PDE4B: variants seen among roughly 807,000 people sequenced by gnomAD.
The protein encoded by PDE4B is phosphodiesterase 4B.
In PDE4B, 20 loss-of-function variants were observed where a neutral mutation model predicts 82.2. The ratio of observed to expected loss-of-function variants is 0.24; its 90% CI spans 0.17 to 0.35. The LOEUF (loss-of-function observed/expected upper bound fraction) is 0.35, where lower values mean the gene tolerates loss of function less well. PDE4B is among the 10% of genes least tolerant of loss of function. The pLI is 1.00. For missense variants in PDE4B, 655 were observed against 907.2 expected, an observed-to-expected ratio of 0.72 and a Z score of 3.57; for synonymous variants, 320 against 318.9, an observed-to-expected ratio of 1.00 and a Z score of -0.04.
chr1:66,370,052 G>A (rs1158439790), intron 16 of PDE4B, among the ~76,000 whole-genome samples: 2 of 147,908 alleles, frequency 1.4e-5, no homozygotes, highest in African/African-American at 2.5e-5. Context: ...TCGGGAAGCT[G>A]AGACAGGAAA....
At chr1:66,085,772 A>G (rs1432276319) in intron 3 of PDE4B, among the ~76,000 whole-genome samples, 2 of 152,142 alleles carry the variant, frequency 1.3e-5, no homozygotes, top group Non-Finnish European at 2.9e-5. Context: ...GATCCAGGGC[A>G]TGCAGTACAT....
intron 4 of PDE4B, among the ~76,000 whole-genome samples, chr1:66,250,731 AAAG>A (rs1469888611): frequency 1.1e-4 from 17 of 152,342 alleles, no homozygotes; most frequent in African/African-American, 4.1e-4. Context: ...ATGGGAACAT[AAAG>A]TACTGGAAAC....
chr1:66,289,316 G>C (rs1303353236), intron 7 of PDE4B, among the ~76,000 whole-genome samples: 1 of 152,064 alleles, frequency 6.6e-6, no homozygotes, highest in Non-Finnish European at 1.5e-5. Context: ...TGGACCAGGA[G>C]GGAGAGACAG....
Position 65,940,773 on chromosome 1 carries a change from A to G in PDE4B, c.281+21938A>G, listed in dbSNP as rs1648402455. ...GTATAAACCAAAAGATCAATTTTGGACAAGTATAAAAGTGTTGATGGCTAT... is the reference window on the plus strand; with the variant it reads ...GTATAAACCAAAAGATCAATTTTGGGCAAGTATAAAAGTGTTGATGGCTAT... On this transcript the variant is annotated intron_variant, in intron 3 of 16. Transcript: ENST00000341517. Among the ~76,000 whole-genome samples, 2 of 152,104 alleles carry G rather than the reference A, an allele frequency of 1.3e-5. 1 individual carries two copies. Among genetic ancestry groups the G allele is most frequent in the Non-Finnish European group, 2.9e-5 (2 of 67,996 alleles).
At chr1:65,927,280 C>G (rs1470152575) in intron 3 of PDE4B, among the ~76,000 whole-genome samples, 1 of 151,290 alleles carries the variant, frequency 6.6e-6, no homozygotes, top group Admixed American at 6.6e-5. Flanking sequence ...CAACAATGCA[C>G]TGGGTGGTTA....
chr1:65,917,491 G>C (rs1304211103), intron 2 of PDE4B, among the ~76,000 whole-genome samples: 1 of 152,158 alleles, frequency 6.6e-6, no homozygotes, highest in Non-Finnish European at 1.5e-5. Flanking sequence ...GTTGATATCA[G>C]TGACCATTGC....
chr1:65,897,175 T>C lies in PDE4B; in HGVS notation c.-70-16070T>C, dbSNP rs1646919809. On this transcript the variant is annotated intron_variant, in intron 1 of 16. Transcript: ENST00000341517. Reference sequence around the variant, plus strand: ...CACAGTTTCAGAAGCGTCAAATAAATTGCTGAATGTTCCACAGTTACTATG... The same window carrying C: ...CACAGTTTCAGAAGCGTCAAATAAACTGCTGAATGTTCCACAGTTACTATG... Among the ~76,000 whole-genome samples the C allele has an allele frequency of 2.0e-5, 3 of 152,144 alleles. No individual in the cohort carries two copies. The South Asian group carries it at 6.2e-4, about 31-fold the overall frequency.
At chr1:65,973,230 T>A (rs543140050) in intron 3 of PDE4B, among the ~76,000 whole-genome samples, 1 of 152,256 alleles carries the variant, frequency 6.6e-6, no homozygotes, top group South Asian at 2.1e-4. Flanking sequence ...TAATTATGAA[T>A]GAATGTAGAT....
At chr1:65,826,900 C>T (rs763381657) in intron 1 of PDE4B, among the ~76,000 whole-genome samples, 3 of 152,108 alleles carry the variant, frequency 2.0e-5, no homozygotes, top group Non-Finnish European at 4.4e-5. Flanking sequence ...CCATGTACAT[C>T]AAATAAAAAT....
At chr1:65,927,039 G>C (rs544531670) in intron 3 of PDE4B, among the ~76,000 whole-genome samples, 1 of 152,180 alleles carries the variant, frequency 6.6e-6, no homozygotes, top group East Asian at 1.9e-4. Flanking sequence ...ATGTGAAGGA[G>C]AGAGGGAGAC....
chr1:65,845,167 A>G (rs1394045461), intron 1 of PDE4B, among the ~76,000 whole-genome samples: 1 of 152,206 alleles, frequency 6.6e-6, no homozygotes, highest in Non-Finnish European at 1.5e-5. Context: ...GTACAACATA[A>G]CATCCAACAT....
At chr1:66,162,891 A>G (rs998972895) in intron 3 of PDE4B, among the ~76,000 whole-genome samples, 3 of 152,164 alleles carry the variant, frequency 2.0e-5, no homozygotes, top group Non-Finnish European at 2.9e-5. Flanking sequence ...TTAATTATCA[A>G]TTGTGTTTTT....
chr1:66,110,138 A>G (rs891595201), intron 3 of PDE4B, among the ~76,000 whole-genome samples: 1 of 151,982 alleles, frequency 6.6e-6, no homozygotes, highest in Non-Finnish European at 1.5e-5. Flanking sequence ...ATGCAGAACA[A>G]TGCTGGTAAA....
chr1:66,202,926 C>A (rs1309321471), intron 3 of PDE4B, among the ~76,000 whole-genome samples: 1 of 151,700 alleles, frequency 6.6e-6, no homozygotes, highest in Non-Finnish European at 1.5e-5. Flanking sequence ...TTAGTTGATG[C>A]AGTTTCTTCC....
At chr1:66,180,459 A>G (rs1647039393) in intron 3 of PDE4B, among the ~76,000 whole-genome samples, 1 of 152,226 alleles carries the variant, frequency 6.6e-6, no homozygotes, top group Admixed American at 6.6e-5. Context: ...GTGGCATGGC[A>G]CAATTTATAA....
rs576015758 is a variant in PDE4B at position 66,038,067 on chromosome 1, G to C, written c.281+119232G>C. ...CCATGAGGTCATAAGTACAGGATAG[G>C]AGGGCATTAAGGTGGTGGAATAAAA... On this transcript the variant is annotated intron_variant, in intron 3 of 16. Transcript: ENST00000341517. 7.9e-5 allele frequency among the ~76,000 whole-genome samples: 12 copies of C among 152,124 alleles called. No individual in the cohort carries two copies. The South Asian group carries it at 2.1e-3, about 26-fold the overall frequency.
intron 3 of PDE4B, among the ~76,000 whole-genome samples, chr1:66,218,905 A>T (rs1197055539): frequency 6.6e-6 from 1 of 152,098 alleles, no homozygotes; most frequent in East Asian, 1.9e-4. Context: ...TTGGGTTTTA[A>T]TTGTGGGATT....
intron 3 of PDE4B, among the ~76,000 whole-genome samples, chr1:66,241,036 A>G (rs1241681385): frequency 6.6e-6 from 1 of 152,244 alleles, no homozygotes; most frequent in African/African-American, 2.4e-5. Context: ...GATTACTGCC[A>G]TGAATGTAAT....
chr1:66,121,974 C>G (rs1267019588), intron 3 of PDE4B, among the ~76,000 whole-genome samples: 5 of 152,120 alleles, frequency 3.3e-5, no homozygotes, highest in Non-Finnish European at 5.9e-5. Context: ...CCGTCCCTGT[C>G]TTTCTTCCTT....
Sources: gnomAD v4.1 joint callset for allele counts (sites outside exome capture counted in the v4.1 genomes callset) on GRCh38, gnomAD v4.1.1 for gene constraint, MANE v1.5 for transcripts, NCBI Gene and HGNC (gene_info 2026-07-23, HGNC 2026-07-21) for gene names.